NOL4: variants seen among roughly 807,000 people sequenced by gnomAD.
NOL4 encodes the protein cancer/testis antigen 125.
NOL4 carries 17 observed loss-of-function variants against 75.9 expected under a neutral mutation model. That is an observed-to-expected ratio of 0.22 (90% CI 0.15 to 0.34). The LOEUF (loss-of-function observed/expected upper bound fraction) is 0.34, where lower values mean the gene tolerates loss of function less well. NOL4 is among the 10% of genes least tolerant of loss of function. NOL4 has a pLI of 1.00. For missense variants in NOL4, 614 were observed against 793.5 expected (o/e 0.77, Z 2.72); for synonymous variants, 292 against 289.9 (o/e 1.01, Z -0.07).
intron 1 of NOL4, among the ~76,000 whole-genome samples, chr18:34,152,075 C>CT (rs1180058372): frequency 2.6e-5 from 4 of 151,470 alleles, no homozygotes; most frequent in Non-Finnish European, 4.4e-5. Flanking sequence ...GTATCATTAA[C>CT]TTTTTTTTCA....
At chr18:34,129,718 A>G (rs1271240242) in intron 2 of NOL4, among the ~76,000 whole-genome samples, 153 bp downstream of exon 2, 36 of 152,018 alleles carry the variant, frequency 2.4e-4, no homozygotes, top group East Asian at 5.8e-4. Flanking sequence ...ACATACAACC[A>G]AAATAATTAT....
chr18:34,000,131 G>T (rs1458571974), intron 6 of NOL4, among the ~76,000 whole-genome samples: 1 of 152,188 alleles, frequency 6.6e-6, no homozygotes, highest in East Asian at 1.9e-4. Context: ...AGAAATCCAG[G>T]TTAGGTAGAT....
chr18:34,168,588 T>TA (rs2032686426), intron 1 of NOL4, among the ~76,000 whole-genome samples: 1 of 151,142 alleles, frequency 6.6e-6, no homozygotes, highest in African/African-American at 2.4e-5. Context: ...TTATTTATAA[T>TA]ATATATTTTA....
chr18:34,041,400 A>G (rs1410491996), intron 5 of NOL4, among the ~76,000 whole-genome samples: 2 of 151,958 alleles, frequency 1.3e-5, no homozygotes, highest in Non-Finnish European at 1.5e-5. Context: ...GAAAGAACTA[A>G]AGGCAAAGAA....
At chr18:33,956,937 T>C (rs927126224) in intron 8 of NOL4, among the ~76,000 whole-genome samples, 7 of 152,136 alleles carry the variant, frequency 4.6e-5, no homozygotes, top group Non-Finnish European at 1.0e-4. Context: ...CATTGTTACA[T>C]GCCATCTCAA....
intron 6 of NOL4, among the ~76,000 whole-genome samples, chr18:34,007,563 G>A (rs1300558608): frequency 1.3e-5 from 2 of 151,918 alleles, no homozygotes; most frequent in Non-Finnish European, 2.9e-5. Flanking sequence ...TTATGAACAT[G>A]CTTATATGTA....
At chr18:34,188,165 G>A (rs1035845406) in intron 1 of NOL4, among the ~76,000 whole-genome samples, 9 of 151,982 alleles carry the variant, frequency 5.9e-5, no homozygotes, top group Non-Finnish European at 5.9e-5. Context: ...TCATCTTTTT[G>A]TCATTAACTG....
At chr18:34,191,373 A>G (rs990987989) in intron 1 of NOL4, among the ~76,000 whole-genome samples, 2 of 152,138 alleles carry the variant, frequency 1.3e-5, no homozygotes, top group African/African-American at 4.8e-5. Flanking sequence ...GTCAGTTAAT[A>G]TGATTTTACT....
At chr18:34,207,671 G>A (rs942988767) in intron 1 of NOL4, among the ~76,000 whole-genome samples, 1 of 152,074 alleles carries the variant, frequency 6.6e-6, no homozygotes, top group African/African-American at 2.4e-5. Flanking sequence ...TTTTTCTGAT[G>A]TTTCTTGCCT....
chr18:33,967,851 G>A (rs2070729382), intron 6 of NOL4, among the ~76,000 whole-genome samples: 1 of 152,164 alleles, frequency 6.6e-6, no homozygotes, highest in African/African-American at 2.4e-5. Context: ...CACTTGGGGG[G>A]CCGAGGCAGG....
chr18:33,930,590 G>A (rs2067619914), intron 9 of NOL4, among the ~76,000 whole-genome samples: 1 of 152,100 alleles, frequency 6.6e-6, no homozygotes, highest in Non-Finnish European at 1.5e-5. Flanking sequence ...ATCCATCACT[G>A]AAACCAAAGA....
chr18:33,977,662 T>C (rs1368382959), intron 6 of NOL4, among the ~76,000 whole-genome samples: 1 of 152,212 alleles, frequency 6.6e-6, no homozygotes, highest in Non-Finnish European at 1.5e-5. Context: ...TGTTATCGAA[T>C]ACAAGGTTTA....
At chr18:34,025,582 C>T (rs1395079497) in intron 5 of NOL4, among the ~76,000 whole-genome samples, 1 of 152,178 alleles carries the variant, frequency 6.6e-6, no homozygotes, top group Non-Finnish European at 1.5e-5. Flanking sequence ...TTTGTGTGCA[C>T]ACTGGCTCTA....
At chr18:34,063,792 ATAAT>A (rs1182163727) in intron 5 of NOL4, among the ~76,000 whole-genome samples, 16 of 152,152 alleles carry the variant, frequency 1.1e-4, no homozygotes, top group Admixed American at 5.9e-4. Flanking sequence ...TTATATGATA[ATAAT>A]TAATAAATAT....
intron 1 of NOL4, among the ~76,000 whole-genome samples, chr18:34,165,709 CA>C (rs2032245591): frequency 6.6e-6 from 1 of 152,018 alleles, no homozygotes; most frequent in Non-Finnish European, 1.5e-5. Flanking sequence ...AATCTAGAAT[CA>C]GATATCATAC....
At chr18:34,069,963 G>T (rs1395073366) in intron 5 of NOL4, among the ~76,000 whole-genome samples, 1 of 152,226 alleles carries the variant, frequency 6.6e-6, no homozygotes, top group Non-Finnish European at 1.5e-5. Context: ...CCCAGTTCTA[G>T]GTAGCCCACC....
intron 1 of NOL4, among the ~76,000 whole-genome samples, chr18:34,173,944 A>G (rs1242045076): frequency 6.6e-6 from 1 of 152,192 alleles, no homozygotes. Flanking sequence ...ATTATTAACT[A>G]CTTTCTCATT....
At chr18:34,100,047 T>C (rs913076833) in intron 4 of NOL4, among the ~76,000 whole-genome samples, 10 of 151,940 alleles carry the variant, frequency 6.6e-5, no homozygotes, top group African/African-American at 2.4e-4. Flanking sequence ...TTGCTTTTTT[T>C]TTTTTTTTAA....
At chr18:34,084,274 A>G (rs1464725746) in intron 5 of NOL4, among the ~76,000 whole-genome samples, 1 of 152,104 alleles carries the variant, frequency 6.6e-6, no homozygotes, top group Non-Finnish European at 1.5e-5. Context: ...AGGAAAGACT[A>G]GGGCTGCTGA....
Sources: gnomAD v4.1 joint callset for allele counts (sites outside exome capture counted in the v4.1 genomes callset) on GRCh38, gnomAD v4.1.1 for gene constraint, MANE v1.5 for transcripts, NCBI Gene and HGNC (gene_info 2026-07-23, HGNC 2026-07-21) for gene names.